MB21D2: variants seen among roughly 807,000 people sequenced by gnomAD.
MB21D2 encodes Mab-21 domain containing 2, also known as nucleotidyltransferase MB21D2.
Under a neutral mutation model 33.3 loss-of-function variants are expected in MB21D2, and 9 were observed. That is an observed-to-expected ratio of 0.27 (90% CI 0.16 to 0.47). MB21D2 has a LOEUF of 0.47. Ranked by LOEUF, MB21D2 falls within the 20% of genes least tolerant of loss-of-function variation. The pLI, the probability that MB21D2 is intolerant of heterozygous loss-of-function variation, is 0.99. For synonymous variants in MB21D2, 241 were observed against 236.3 expected, an observed-to-expected ratio of 1.02 and a Z score of -0.18; for missense variants, 540 against 624.6, an observed-to-expected ratio of 0.86 and a Z score of 1.44.
intron 1 of MB21D2, among the ~76,000 whole-genome samples, chr3:192,830,420 A>G (rs931163358): frequency 6.6e-6 from 1 of 152,096 alleles, no homozygotes; most frequent in Admixed American, 6.5e-5. Context: ...CACCATTTTG[A>G]GCACCCAGCT....
intron 1 of MB21D2, among the ~76,000 whole-genome samples, chr3:192,899,139 T>C (rs1714039990): frequency 6.6e-6 from 1 of 152,196 alleles, no homozygotes; most frequent in Non-Finnish European, 1.5e-5. Context: ...ATAGCAGGCA[T>C]ACAAGAAATA....
intron 1 of MB21D2, among the ~76,000 whole-genome samples, chr3:192,885,708 T>C (rs576835323): frequency 6.6e-6 from 1 of 152,078 alleles, no homozygotes; most frequent in Non-Finnish European, 1.5e-5. Flanking sequence ...TAGAAGATAC[T>C]TTCAGGGCCA....
At chr3:192,893,434 C>T (rs1560253165) in intron 1 of MB21D2, among the ~76,000 whole-genome samples, 1 of 152,044 alleles carries the variant, frequency 6.6e-6, no homozygotes, top group African/African-American at 2.4e-5. Flanking sequence ...AAATCACAGA[C>T]CAGGAAGGGA....
At chr3:192,836,270 C>T (rs749363662) in intron 1 of MB21D2, among the ~76,000 whole-genome samples, 1 of 152,154 alleles carries the variant, frequency 6.6e-6, no homozygotes, top group Non-Finnish European at 1.5e-5. Flanking sequence ...CTCTATTTTA[C>T]TTTTGCTACG....
intron 1 of MB21D2, among the ~76,000 whole-genome samples, chr3:192,887,682 T>C (rs1194308332): frequency 6.6e-6 from 1 of 152,122 alleles, no homozygotes; most frequent in Non-Finnish European, 1.5e-5. Context: ...AATAATGGCT[T>C]AGCCCAACAA....
chr3:192,819,425 G>A (rs1711996422), intron 1 of MB21D2, among the ~76,000 whole-genome samples: 3 of 152,114 alleles, frequency 2.0e-5, no homozygotes, highest in African/African-American at 7.2e-5. Flanking sequence ...GTAATTAGTG[G>A]AGGGTGAAGG....
intron 1 of MB21D2, among the ~76,000 whole-genome samples, chr3:192,889,206 G>T (rs1167402380): frequency 6.6e-6 from 1 of 152,092 alleles, no homozygotes; most frequent in Non-Finnish European, 1.5e-5. Flanking sequence ...TGACAAAAGG[G>T]TTAAGGAGTT....
chr3:192,831,491 A>G (rs906925984), intron 1 of MB21D2, among the ~76,000 whole-genome samples: 4 of 152,216 alleles, frequency 2.6e-5, no homozygotes, highest in African/African-American at 9.6e-5. Context: ...AAGAACAGAA[A>G]GATGGATCTG....
intron 1 of MB21D2, among the ~76,000 whole-genome samples, chr3:192,915,050 C>T (rs928381199): frequency 6.6e-6 from 1 of 152,208 alleles, no homozygotes; most frequent in Non-Finnish European, 1.5e-5. Flanking sequence ...CTCAGCTCCA[C>T]TAAAGAGGCT....
rs547577596 is a variant in MB21D2, at chr3:192,872,432, C to G, written c.211+45198G>C. 4.6e-3 allele frequency among the ~76,000 whole-genome samples: 694 copies of G among 151,832 alleles called. 6 individuals carry two copies. Among genetic ancestry groups the G allele is most frequent in the African/African-American group, 0.016 (656 of 41,332 alleles). Reference sequence around the variant, plus strand: ...TCTACTAAAAATACAAAAAATTAGCCGCACGTGGTGGCGAGCGCCTGTAGT... The same window carrying G: ...TCTACTAAAAATACAAAAAATTAGCGGCACGTGGTGGCGAGCGCCTGTAGT... On this transcript the variant is annotated intron_variant, in intron 1 of 1. Transcript: ENST00000392452.
intron 1 of MB21D2, among the ~76,000 whole-genome samples, chr3:192,901,938 G>A (rs1714113429): frequency 6.6e-6 from 1 of 152,136 alleles, no homozygotes. Context: ...TCTTCGTAAG[G>A]CTGCCCTAAT....
chr3:192,817,980 C>T (rs1409414886), intron 1 of MB21D2, among the ~76,000 whole-genome samples: 1 of 150,830 alleles, frequency 6.6e-6, no homozygotes, highest in Non-Finnish European at 1.5e-5. Flanking sequence ...ATGCTAGTCC[C>T]CCAAATATGT....
At chr3:192,847,395 C>T (rs1171668097) in intron 1 of MB21D2, among the ~76,000 whole-genome samples, 1 of 152,072 alleles carries the variant, frequency 6.6e-6, no homozygotes, top group East Asian at 1.9e-4. Flanking sequence ...GGCTCTTCAG[C>T]AGGTTGAAAC....
intron 1 of MB21D2, among the ~76,000 whole-genome samples, chr3:192,862,408 T>C (rs1032892871): frequency 6.6e-5 from 10 of 152,184 alleles, no homozygotes; most frequent in South Asian, 4.1e-4. Flanking sequence ...GGGAGATAAA[T>C]TTGGGTTCAA....
intron 1 of MB21D2, among the ~76,000 whole-genome samples, chr3:192,823,810 T>C (rs1577173529): frequency 6.6e-6 from 1 of 152,110 alleles, no homozygotes; most frequent in Non-Finnish European, 1.5e-5. Flanking sequence ...TCAAATAAAG[T>C]TTTTTAATAA....
intron 1 of MB21D2, among the ~76,000 whole-genome samples, chr3:192,840,119 C>A (rs1712534253): frequency 1.3e-5 from 2 of 151,948 alleles, no homozygotes; most frequent in Non-Finnish European, 1.5e-5. Context: ...GCCAATAAGC[C>A]AAAAATCTAA....
At chr3:192,909,539 T>G (rs1714293160) in intron 1 of MB21D2, among the ~76,000 whole-genome samples, 1 of 152,148 alleles carries the variant, frequency 6.6e-6, no homozygotes, top group African/African-American at 2.4e-5. Context: ...AAATGCTATA[T>G]TTAAGTTAGA....
chr3:192,871,009 C>T (rs889664457), intron 1 of MB21D2, among the ~76,000 whole-genome samples: 6 of 152,154 alleles, frequency 3.9e-5, no homozygotes, highest in Non-Finnish European at 7.3e-5. Context: ...CAAATGTTAT[C>T]TGAATTGTAA....
rs897159587 is a variant in MB21D2, at chr3:192,799,922, C to G, written c.212-272G>C. Among the ~76,000 whole-genome samples, 3 of 152,184 alleles carry G rather than the reference C, an allele frequency of 2.0e-5. No homozygotes were observed. Among genetic ancestry groups the G allele is most frequent in the Admixed American group, 6.5e-5 (1 of 15,280 alleles). On this transcript the variant is annotated intron_variant, in intron 1 of 1. Coordinates refer to ENST00000392452, the MANE Select transcript of MB21D2 (RefSeq NM_178496.4). The surrounding 1 kb of genome is among the most constrained non-coding windows in gnomAD (Gnocchi z 4.1). Reference sequence around the variant, plus strand: ...TAATAAAACAGGGCCCCTCTTCCCCCAGTCATCATCTCAGTTAATGGAATT... The same window carrying G: ...TAATAAAACAGGGCCCCTCTTCCCCGAGTCATCATCTCAGTTAATGGAATT...
Sources: gnomAD v4.1 joint callset for allele counts (sites outside exome capture counted in the v4.1 genomes callset) on GRCh38, gnomAD v4.1.1 for gene constraint, Gnocchi (gnomAD v3.1) non-coding constraint, MANE v1.5 for transcripts, NCBI Gene and HGNC (gene_info 2026-07-23, HGNC 2026-07-21) for gene names.